CCDC3: variants seen among roughly 807,000 people sequenced by gnomAD.
CCDC3 encodes the protein coiled-coil domain containing 3, also known as coiled-coil domain-containing protein 3.
A neutral mutation model predicts 21.4 loss-of-function variants in CCDC3; 24 were observed. That is an observed-to-expected ratio of 1.12 (90% CI 0.81 to 1.58). The LOEUF is 1.58. Among genes scored for constraint, CCDC3 ranks in the 40% most tolerant of loss-of-function variants. The pLI, the probability that CCDC3 is intolerant of heterozygous loss-of-function variation, is 0.00. For synonymous variants in CCDC3, 186 were observed against 166.0 expected (o/e 1.12, Z -0.93); for missense variants, 425 against 360.9 (o/e 1.18, Z -1.44).
intron 2 of CCDC3, among the ~76,000 whole-genome samples, chr10:12,914,655 G>C (rs982037701): frequency 1.3e-5 from 2 of 150,916 alleles, no homozygotes; most frequent in African/African-American, 4.9e-5. Context: ...TGTTGACCAG[G>C]CTGTTTTCAA....
rs1834010269 is a variant in CCDC3, at chr10:12,896,936, C to G, written c.*1480G>C. The G allele has an allele frequency of 6.6e-6, 1 of 152,328 alleles. No individual in the cohort carries two copies. Among genetic ancestry groups the G allele is most frequent in the African/African-American group, 2.4e-5 (1 of 41,454 alleles). 9.4% of individuals were successfully genotyped at this position (152,328 alleles called of 1,614,324 possible). Reference sequence around the variant, plus strand: ...GCAGAGACTTCTCCCCCGTGGACAGCAGCCTGCCACCAAGACTCAAGCAAC... The same window carrying G: ...GCAGAGACTTCTCCCCCGTGGACAGGAGCCTGCCACCAAGACTCAAGCAAC... On this transcript the variant is annotated 3_prime_UTR_variant, in exon 3 of 3. Transcript: ENST00000378825.
chr10:13,016,519 C>G (rs1836064317), intron 5 of CCDC3, among the ~76,000 whole-genome samples: 1 of 151,988 alleles, frequency 6.6e-6, no homozygotes, highest in Admixed American at 6.6e-5. Context: ...AATGTTAACT[C>G]ATTCTTCCTT....
At chr10:13,076,542 A>G (rs1836966776) in intron 3 of CCDC3, among the ~76,000 whole-genome samples, 1 of 152,234 alleles carries the variant, frequency 6.6e-6, no homozygotes, top group South Asian at 2.1e-4. Context: ...AGTTCCTTTT[A>G]AAGACTAACT....
intron 5 of CCDC3, among the ~76,000 whole-genome samples, chr10:13,014,298 A>G (rs1407611006): frequency 6.6e-6 from 1 of 151,078 alleles, no homozygotes; most frequent in African/African-American, 2.4e-5. Flanking sequence ...AAAATACAAA[A>G]AATTAGCCAG....
chr10:13,066,489 G>A (rs1269153755), intron 4 of CCDC3, among the ~76,000 whole-genome samples: 2 of 152,158 alleles, frequency 1.3e-5, no homozygotes, highest in Non-Finnish European at 2.9e-5. Context: ...ATATTCTTTT[G>A]TAAGAAATCA....
chr10:12,902,058 G>A lies in CCDC3; in HGVS notation c.550-3379C>T, dbSNP rs548180523. Among the ~76,000 whole-genome samples the A allele has an allele frequency of 1.1e-4, 16 of 152,224 alleles. No homozygotes were observed. The South Asian group carries it at 2.9e-3, about 28-fold the overall frequency. ...CACGCCGTAGCTATTCACACCACAC[G>A]CCAAGTACCTGGTGGCACTAGGAGA... On this transcript the variant is annotated intron_variant, in intron 2 of 2. Transcript: ENST00000378825.
At chr10:13,097,123 T>A (rs1369076473) in intron 3 of CCDC3, among the ~76,000 whole-genome samples, 1 of 152,106 alleles carries the variant, frequency 6.6e-6, no homozygotes, top group Non-Finnish European at 1.5e-5. Context: ...CAGATTAGGA[T>A]CTCACTAAAA....
chr10:13,003,631 A>G (rs1404800903), upstream of CCDC3, among the ~76,000 whole-genome samples: 1 of 152,160 alleles, frequency 6.6e-6, no homozygotes, highest in Non-Finnish European at 1.5e-5. Context: ...TTTTAGTCCT[A>G]TACTGTAACT....
At chr10:13,057,872 C>T in intron 4 of CCDC3, 4 of 449,418 alleles carry the variant, frequency 8.9e-6, no homozygotes, top group Non-Finnish European at 1.7e-5. Context: ...CAGTGCGAGA[C>T]TCTGTCTCAA....
intron 2 of CCDC3, among the ~76,000 whole-genome samples, chr10:12,967,864 C>T (rs1835283904): frequency 6.6e-6 from 1 of 152,154 alleles, no homozygotes; most frequent in Admixed American, 6.5e-5. Context: ...GACATATTAT[C>T]ATCACACTGT....
At chr10:12,982,941 A>ATTG in intron 2 of CCDC3, among the ~76,000 whole-genome samples, 1 of 147,704 alleles carries the variant, frequency 6.8e-6, no homozygotes, top group East Asian at 2.1e-4. Context: ...CGTGAAACCC[A>ATTG]TCTCCACTAA....
intron 2 of CCDC3, among the ~76,000 whole-genome samples, chr10:12,899,209 A>G (rs1834057315): frequency 6.6e-6 from 1 of 152,024 alleles, no homozygotes; most frequent in Non-Finnish European, 1.5e-5. Flanking sequence ...GATAGTTCAC[A>G]GGAAAGAAAA....
chr10:12,959,551 C>A (rs1378729675), intron 2 of CCDC3, among the ~76,000 whole-genome samples: 1 of 152,098 alleles, frequency 6.6e-6, no homozygotes, highest in African/African-American at 2.4e-5. Context: ...TACTAATTAC[C>A]CAAATACTCC....
intron 2 of CCDC3, among the ~76,000 whole-genome samples, chr10:12,947,643 T>C (rs1466027144): frequency 6.6e-6 from 1 of 152,216 alleles, no homozygotes; most frequent in Non-Finnish European, 1.5e-5. Flanking sequence ...TCTAATTATT[T>C]TGAGCCAGGC....
chr10:13,026,310 AG>A (rs1836214747), intron 5 of CCDC3, among the ~76,000 whole-genome samples: 1 of 152,262 alleles, frequency 6.6e-6, no homozygotes, highest in African/African-American at 2.4e-5. Context: ...TATATACAAT[AG>A]TACTTTCCTC....
rs1260738724 is a variant in CCDC3 at position 12,911,998 on chromosome 10, A to AT, written c.550-13320dup. On this transcript the variant is annotated intron_variant, in intron 2 of 2. Coordinates refer to ENST00000378825, the MANE Select transcript of CCDC3 (RefSeq NM_031455.4). ...ATATCCTTTTTTAAGGGTGCATAGT[A>AT]TTCCACTGAGTATATACACATCATG... Among the ~76,000 whole-genome samples the AT allele has an allele frequency of 2.6e-5, 4 of 152,312 alleles. No individual in the cohort carries two copies. The East Asian group carries it at 7.7e-4, about 29-fold the overall frequency.
intron 4 of CCDC3, among the ~76,000 whole-genome samples, chr10:13,050,635 A>G (rs1025774787): frequency 6.6e-6 from 1 of 151,324 alleles, no homozygotes; most frequent in Non-Finnish European, 1.5e-5. Flanking sequence ...TAATTTTTGT[A>G]TTTTTAGTAG....
chr10:12,945,005 T>C (rs1834893038), intron 2 of CCDC3, among the ~76,000 whole-genome samples: 1 of 152,230 alleles, frequency 6.6e-6, no homozygotes, highest in South Asian at 2.1e-4. Context: ...CCAAAAATTC[T>C]AATAAGGATA....
At chr10:13,000,677 A>G (rs76892916) in intron 1 of CCDC3, among the ~76,000 whole-genome samples, 6,440 of 152,254 alleles carry the variant, frequency 0.042, 153 homozygotes, top group African/African-American at 0.058. Flanking sequence ...GTCAACTTCT[A>G]ACCTGCACCA....
Sources: gnomAD v4.1 joint callset for allele counts (sites outside exome capture counted in the v4.1 genomes callset) on GRCh38, gnomAD v4.1.1 for gene constraint, MANE v1.5 for transcripts, NCBI Gene and HGNC (gene_info 2026-07-23, HGNC 2026-07-21) for gene names.